RAB3B: variants seen among roughly 807,000 people sequenced by gnomAD.
RAB3B encodes RAB3B, member RAS oncogene family, also known as ras-related protein Rab-3B.
In RAB3B, 11 loss-of-function variants were observed where a neutral mutation model predicts 20.5. The ratio of observed to expected loss-of-function variants is 0.54; its 90% CI spans 0.34 to 0.89. The LOEUF (loss-of-function observed/expected upper bound fraction) is 0.89, where lower values mean the gene tolerates loss of function less well. Ranked by LOEUF, RAB3B falls within the 40% of genes least tolerant of loss-of-function variation. RAB3B has a pLI of 0.02. For synonymous variants in RAB3B, 99 were observed against 106.3 expected (o/e 0.93, Z 0.42); for missense variants, 225 against 280.9 (o/e 0.80, Z 1.42).
chr1:51,962,828 G>C (rs886416665), intron 2 of RAB3B, among the ~76,000 whole-genome samples: 4 of 152,098 alleles, frequency 2.6e-5, no homozygotes, highest in African/African-American at 9.7e-5. Context: ...CCTCTAAATT[G>C]TTGCTCACTT....
At chr1:51,980,737 C>A in intron 1 of RAB3B, 2 of 755,720 alleles carry the variant, frequency 2.6e-6, no homozygotes, top group Non-Finnish European at 4.8e-6. Context: ...GAATCGATCT[C>A]ATGAAGCCCG....
At chr1:51,980,874 T>C in intron 1 of RAB3B, 1 of 629,428 alleles carries the variant, frequency 1.6e-6, no homozygotes, top group Non-Finnish European at 2.8e-6. Context: ...AAAAATAAAA[T>C]GGAAATTGTA....
intron 1 of RAB3B, among the ~76,000 whole-genome samples, chr1:51,986,828 G>A (rs958597456): frequency 1.3e-4 from 20 of 152,294 alleles, no homozygotes; most frequent in Middle Eastern, 3.4e-3. Flanking sequence ...AGGAGGGGGC[G>A]GCCAGGGGCT....
rs79899837 is a variant in RAB3B at position 51,939,098 on chromosome 1, C to T, written c.229-1686G>A. 7.2e-3 allele frequency among the ~76,000 whole-genome samples: 1,099 copies of T among 152,262 alleles called. 13 individuals are homozygous for T. Among genetic ancestry groups the T allele is most frequent in the African/African-American group, 0.026 (1,063 of 41,556 alleles). On this transcript the variant is annotated intron_variant, in intron 2 of 4. Transcript: ENST00000371655. ...CATAGTCTAGTTGGAAAGACAAACA[C>T]GTAAGCAAGCAACAAAGACAAGACC...
At chr1:51,934,574 A>T (rs1243206451) in intron 3 of RAB3B, among the ~76,000 whole-genome samples, 1 of 152,042 alleles carries the variant, frequency 6.6e-6, no homozygotes, top group East Asian at 1.9e-4. Flanking sequence ...GATCGAGACC[A>T]TCCTAGCTAA....
intron 4 of RAB3B, among the ~76,000 whole-genome samples, chr1:51,923,592 G>C (rs1195930263): frequency 5.3e-5 from 8 of 152,002 alleles, no homozygotes; most frequent in African/African-American, 1.9e-4. Flanking sequence ...GGCACTGCCT[G>C]TAATCCCAGC....
intron 4 of RAB3B, among the ~76,000 whole-genome samples, chr1:51,931,646 C>A (rs116410861): frequency 5.9e-5 from 9 of 152,116 alleles, no homozygotes; most frequent in African/African-American, 1.9e-4. Context: ...AGGGAACTTT[C>A]GGGAGACAGA....
chr1:51,973,789 A>G (rs72905929), intron 2 of RAB3B, among the ~76,000 whole-genome samples: 3,522 of 152,296 alleles, frequency 0.023, 73 homozygotes, highest in African/African-American at 0.062. Flanking sequence ...GGCTGAACAT[A>G]AACAAAGAAG....
chr1:51,972,391 G>A (rs1049129557), intron 2 of RAB3B, among the ~76,000 whole-genome samples: 5 of 151,714 alleles, frequency 3.3e-5, no homozygotes, highest in Non-Finnish European at 4.4e-5. Context: ...CACTCTTAGC[G>A]TTATGGACTG....
rs1207648507 is a variant in RAB3B, at chr1:51,915,508, T to G, written c.*4419A>C. ...ATGAGTCTGTGACCATTCAGTACAC[T>G]CTACTCCACTGCTGCTCCTAGAAGT... On this transcript the variant is annotated 3_prime_UTR_variant, in exon 5 of 5. Transcript: ENST00000371655. The G allele has an allele frequency of 6.6e-6, 1 of 152,166 alleles. No individual in the cohort carries two copies. Among genetic ancestry groups the G allele is most frequent in the Non-Finnish European group, 1.5e-5 (1 of 68,004 alleles). The allele number at this position is 152,166 out of a possible 1,614,324, so 9.4% of individuals were successfully genotyped here.
intron 2 of RAB3B, among the ~76,000 whole-genome samples, chr1:51,973,961 AT>A (rs1253199063): frequency 6.6e-6 from 1 of 152,222 alleles, no homozygotes; most frequent in African/African-American, 2.4e-5. Flanking sequence ...ATGTTCAAAG[AT>A]TAAAAGTAAG....
rs6701110 is a variant in RAB3B, at chr1:51,908,904, T to A, written c.*11023A>T. On this transcript the variant is annotated 3_prime_UTR_variant, in exon 5 of 5. Transcript: ENST00000371655. ...GTGTCAAAGATCATCAGGGCATGGA[T>A]GGGAAAGTGCTTTGGGAACTGTAAA... is the stretch of plus-strand genomic sequence containing the variant. 19,371 of 152,070 alleles carry A rather than the reference T, an allele frequency of 0.13. 1,716 individuals are homozygous for A. The highest frequency in any genetic ancestry group is 0.25 in the African/African-American group (10,406 of 41,430). 9.4% of individuals were successfully genotyped at this position (152,070 alleles called of 1,614,324 possible). A position where few individuals can be genotyped will look rare whatever the true frequency, so the allele number is the denominator to read the frequency against.
At chr1:51,989,208 T>TTG (rs60661761) in intron 1 of RAB3B, among the ~76,000 whole-genome samples, 13,345 of 99,664 alleles carry the variant, frequency 0.13, 865 homozygotes, top group Admixed American at 0.17. Flanking sequence ...CCATCTTGTT[T>TTG]TGTGTGTGTG....
chr1:51,980,749 A>G (rs1685075769), intron 1 of RAB3B: 2 of 755,064 alleles, frequency 2.6e-6, no homozygotes, highest in Non-Finnish European at 2.4e-6. Flanking sequence ...TGAAGCCCGC[A>G]AGGACCAAAC....
chr1:51,984,211 C>T (rs1435071293), intron 1 of RAB3B, among the ~76,000 whole-genome samples: 6 of 114,864 alleles, frequency 5.2e-5, no homozygotes, highest in Admixed American at 3.8e-4. Flanking sequence ...TTACAGTGAG[C>T]GGAGATTGTG....
intron 3 of RAB3B, among the ~76,000 whole-genome samples, chr1:51,934,564 G>A (rs1684370684): frequency 6.6e-6 from 1 of 151,954 alleles, no homozygotes; most frequent in African/African-American, 2.4e-5. Flanking sequence ...GAGGTCAGGA[G>A]ATCGAGACCA....
intron 4 of RAB3B, among the ~76,000 whole-genome samples, chr1:51,929,311 G>A (rs1229529678): frequency 1.3e-5 from 2 of 152,044 alleles, no homozygotes; most frequent in Admixed American, 6.6e-5. Context: ...CCAGTTACAG[G>A]AGCTAATACA....
chr1:51,965,527 A>G (rs1234516658), intron 2 of RAB3B, among the ~76,000 whole-genome samples: 1 of 151,850 alleles, frequency 6.6e-6, no homozygotes, highest in East Asian at 1.9e-4. Context: ...GGCACGTGTA[A>G]TCCCAGCTAC....
At chr1:51,942,725 T>C (rs1684510715) in intron 2 of RAB3B, among the ~76,000 whole-genome samples, 1 of 152,244 alleles carries the variant, frequency 6.6e-6, no homozygotes, top group Non-Finnish European at 1.5e-5. Context: ...TATTACACTT[T>C]GCAGATATTG....
Sources: gnomAD v4.1 joint callset for allele counts (sites outside exome capture counted in the v4.1 genomes callset) on GRCh38, gnomAD v4.1.1 for gene constraint, MANE v1.5 for transcripts, NCBI Gene and HGNC (gene_info 2026-07-23, HGNC 2026-07-21) for gene names.